SBK1: variants seen among roughly 807,000 people sequenced by gnomAD.
SBK1 encodes serine/threonine-protein kinase SBK1.
Under a neutral mutation model 24.4 loss-of-function variants are expected in SBK1, and 11 were observed. The ratio of observed to expected loss-of-function variants is 0.45; its 90% CI spans 0.28 to 0.75. SBK1 has a LOEUF of 0.75. Ranked by LOEUF, SBK1 falls within the 30% of genes least tolerant of loss-of-function variation. SBK1 has a pLI of 0.12. For missense variants in SBK1, 467 were observed against 620.5 expected (o/e 0.75, Z 2.63); for synonymous variants, 308 against 284.4 (o/e 1.08, Z -0.83).
chr16:28,285,081 G>C (rs2044557050), intron 1 of SBK1: 1 of 152,266 alleles, frequency 6.6e-6, no homozygotes, highest in Admixed American at 6.5e-5. Flanking sequence ...TGAGTAGCTG[G>C]AACTACAGGT....
rs2044808253 is a variant in SBK1, at chr16:28,317,721, G to A, written c.226+104G>A. On this transcript the variant is annotated intron_variant, in intron 2 of 3. Transcript: ENST00000341901. This position sits in a 1 kb window ranked among gnomAD's most constrained non-coding sequence, Gnocchi z 4.2. Reference sequence around the variant, plus strand: ...TGCAGCTGGGCCGGGGCTCTCTGGTGCTCTGTGGAAGCCAGGAGGCAGGGT... The same window carrying A: ...TGCAGCTGGGCCGGGGCTCTCTGGTACTCTGTGGAAGCCAGGAGGCAGGGT... The A allele has an allele frequency of 1.2e-6, 1 of 801,290 alleles. No homozygotes were observed. The highest frequency in any genetic ancestry group is 1.7e-5 in the African/African-American group (1 of 59,046). The allele number at this position is 801,290 out of a possible 1,614,324, so 49.6% of individuals were successfully genotyped here. A position where few individuals can be genotyped will look rare whatever the true frequency, so the allele number is the denominator to read the frequency against.
intron 1 of SBK1, among the ~76,000 whole-genome samples, chr16:28,264,540 C>G (rs1410178682): frequency 6.6e-6 from 1 of 151,524 alleles, no homozygotes; most frequent in Non-Finnish European, 1.5e-5. Flanking sequence ...CTACTGCACT[C>G]CAGCCTGGGC....
chr16:28,267,335 C>G (rs527987510), intron 1 of SBK1, among the ~76,000 whole-genome samples: 5 of 152,230 alleles, frequency 3.3e-5, no homozygotes, highest in African/African-American at 1.2e-4. Context: ...GTTGGGATTA[C>G]AGGCGTGAGC....
At chr16:28,289,974 T>C (rs2044588808), upstream of SBK1, among the ~76,000 whole-genome samples, 1 of 151,580 alleles carries the variant, frequency 6.6e-6, no homozygotes, top group Non-Finnish European at 1.5e-5. Flanking sequence ...TAGTCCTAGT[T>C]ACTTAGGGGG....
chr16:28,307,990 A>G (rs1337369445), intron 1 of SBK1, among the ~76,000 whole-genome samples: 5 of 152,120 alleles, frequency 3.3e-5, no homozygotes, highest in African/African-American at 1.2e-4. Flanking sequence ...TCTCCCACAG[A>G]GCAGGATAGG....
chr16:28,290,142 G>A (rs1006574798), upstream of SBK1, among the ~76,000 whole-genome samples: 3 of 152,062 alleles, frequency 2.0e-5, no homozygotes, highest in African/African-American at 7.2e-5. Context: ...CTGAGGTCAA[G>A]GCCGAATGGA....
intron 1 of SBK1, among the ~76,000 whole-genome samples, chr16:28,280,653 A>ATTTAT (rs376906418): frequency 0.055 from 8,269 of 151,196 alleles, 505 homozygotes; most frequent in Admixed American, 0.18. Context: ...CAGTAACTTC[A>ATTTAT]TTTATTTTAT....
At chr16:28,313,609 A>C (rs1567679469) in intron 1 of SBK1, among the ~76,000 whole-genome samples, 3 of 151,124 alleles carry the variant, frequency 2.0e-5, no homozygotes, top group East Asian at 1.9e-4. Context: ...AAAAAAAAAA[A>C]AAAACATACT....
intron 1 of SBK1, among the ~76,000 whole-genome samples, chr16:28,270,860 TTTATTTATTTATTTA>T (rs2141561429): frequency 6.6e-6 from 1 of 151,236 alleles, no homozygotes; most frequent in East Asian, 1.9e-4. Context: ...TATTTATTTA[TTTATTTATTTATTTA>T]TTTTTTGAGA....
chr16:28,297,637 T>C (rs2044649894), intron 1 of SBK1, among the ~76,000 whole-genome samples: 2 of 152,160 alleles, frequency 1.3e-5, no homozygotes, highest in South Asian at 4.1e-4. Flanking sequence ...AGAGGGATAA[T>C]ACTATCTTGT....
intron 1 of SBK1, chr16:28,286,357 G>C (rs142834750): frequency 1.3e-5 from 2 of 152,292 alleles, no homozygotes; most frequent in Non-Finnish European, 2.9e-5. Flanking sequence ...CTGGGCAATA[G>C]AGCGAGACCC....
intron 1 of SBK1, among the ~76,000 whole-genome samples, chr16:28,294,611 A>G (rs1461400900): frequency 6.6e-6 from 1 of 152,194 alleles, no homozygotes; most frequent in Non-Finnish European, 1.5e-5. Context: ...GGACCGGGCC[A>G]GGTCCAGCTG....
At chr16:28,268,632 A>AC (rs2044444586) in intron 1 of SBK1, among the ~76,000 whole-genome samples, 1 of 151,890 alleles carries the variant, frequency 6.6e-6, no homozygotes, top group Non-Finnish European at 1.5e-5. Context: ...GCATGGTGGC[A>AC]CGTGCCTGTA....
chr16:28,259,841 C>T lies in SBK1; in HGVS notation c.257+339C>T, dbSNP rs1041058915. Among the ~76,000 whole-genome samples the T allele has an allele frequency of 6.6e-6, 1 of 152,066 alleles. No homozygotes were observed. On this transcript the variant is annotated intron_variant, in intron 1 of 3. Coordinates refer to the SBK1 transcript ENST00000671413. The surrounding 1 kb of genome is among the most constrained non-coding windows in gnomAD (Gnocchi z 6.0). Reference sequence around the variant, plus strand: ...GGCCTGCGTGATTGGGGCCGACACTCCCCACCTCATCTCACTCTGTTCCCC... The same window carrying T: ...GGCCTGCGTGATTGGGGCCGACACTTCCCACCTCATCTCACTCTGTTCCCC...
upstream of SBK1, chr16:28,291,050 G>A (rs1003681854): frequency 1.3e-5 from 2 of 152,194 alleles, no homozygotes; most frequent in African/African-American, 2.4e-5. Flanking sequence ...TCATGTCTGC[G>A]CCTGTAGGTA....
At chr16:28,301,313 GC>G (rs1262039885) in intron 1 of SBK1, among the ~76,000 whole-genome samples, 8 of 152,256 alleles carry the variant, frequency 5.3e-5, no homozygotes, top group Non-Finnish European at 1.0e-4. Flanking sequence ...AGGCTGGAGA[GC>G]CTGTTCCAGC....
chr16:28,297,912 G>A lies in SBK1; in HGVS notation c.-8+4612G>A, dbSNP rs2044651916. ...TGCCCCTGCCCCAGGTGTGGGTGAGGGCGGAGGCCCTTCCTGAGCCTCTTC... is the reference window on the plus strand; with the variant it reads ...TGCCCCTGCCCCAGGTGTGGGTGAGAGCGGAGGCCCTTCCTGAGCCTCTTC... On this transcript the variant is annotated intron_variant, in intron 1 of 3. Coordinates refer to ENST00000341901, the MANE Select transcript of SBK1 (RefSeq NM_001024401.3). Among the ~76,000 whole-genome samples, 4 of 152,176 alleles carry A rather than the reference G, an allele frequency of 2.6e-5. No individual in the cohort carries two copies. In the South Asian group the frequency reaches 8.3e-4, roughly 32 times the overall value.
At chr16:28,265,738 G>C (rs1284310154) in intron 1 of SBK1, among the ~76,000 whole-genome samples, 1 of 151,958 alleles carries the variant, frequency 6.6e-6, no homozygotes, top group Non-Finnish European at 1.5e-5. Context: ...CTTTGGGAGA[G>C]TGAAGCAGGC....
intron 1 of SBK1, among the ~76,000 whole-genome samples, chr16:28,311,016 G>A (rs4787451): frequency 0.034 from 5,247 of 152,284 alleles, 294 homozygotes; most frequent in East Asian, 0.15. Context: ...GGATGGGTGC[G>A]TGGATTAATT....
Sources: allele counts gnomAD v4.1 joint callset (sites outside exome capture counted in the v4.1 genomes callset), GRCh38; gene constraint gnomAD v4.1.1; non-coding constraint Gnocchi (gnomAD v3.1); transcripts MANE v1.5; gene names NCBI Gene and HGNC (gene_info 2026-07-23, HGNC 2026-07-21).